Variants in RNF150 observed in about 807,000 individuals in gnomAD.
RNF150 encodes the protein ring finger protein 150.
RNF150 carries 24 observed loss-of-function variants against 39.3 expected under a neutral mutation model. The ratio of observed to expected loss-of-function variants is 0.61; its 90% CI spans 0.44 to 0.86. The LOEUF (loss-of-function observed/expected upper bound fraction) is 0.86. RNF150 is among the 40% of genes least tolerant of loss of function. RNF150 has a pLI of 0.00. For synonymous variants in RNF150, 255 were observed against 227.3 expected (o/e 1.12, Z -1.10); for missense variants, 502 against 587.8 (o/e 0.85, Z 1.51).
intron 1 of RNF150, among the ~76,000 whole-genome samples, chr4:141,046,455 G>A (rs902713293): frequency 1.1e-4 from 16 of 152,194 alleles, no homozygotes; most frequent in African/African-American, 3.4e-4. Flanking sequence ...CTGGGAGGAA[G>A]CTGCAGAGTA....
intron 1 of RNF150, among the ~76,000 whole-genome samples, chr4:141,030,038 T>C (rs567455910): frequency 6.6e-6 from 1 of 151,720 alleles, no homozygotes; most frequent in Non-Finnish European, 1.5e-5. Flanking sequence ...CTACTAAAAA[T>C]ACAAAAAATT....
Position 140,994,304 on chromosome 4 carries a change from C to T in RNF150, c.485-26431G>A, listed in dbSNP as rs115750041. 3.5e-3 allele frequency among the ~76,000 whole-genome samples: 530 copies of T among 152,312 alleles called. 3 individuals are homozygous for T. The highest frequency in any genetic ancestry group is 0.012 in the African/African-American group (486 of 41,574). ...TCCACATTAAAAGTTACTAGTTTGT[C>T]TTGAAGGCAAAGGCCCAAAGGATAT... On this transcript the variant is annotated intron_variant, in intron 1 of 6. Transcript: ENST00000515673.
intron 1 of RNF150, among the ~76,000 whole-genome samples, chr4:141,026,741 T>C (rs957558564): frequency 6.6e-5 from 10 of 152,132 alleles, no homozygotes; most frequent in South Asian, 2.1e-4. Flanking sequence ...TCCTGAAAAA[T>C]AGGCAGTAGA....
At chr4:140,919,370 C>T (rs1018825539) in intron 5 of RNF150, among the ~76,000 whole-genome samples, 1 of 135,000 alleles carries the variant, frequency 7.4e-6, no homozygotes, top group South Asian at 2.7e-4. Flanking sequence ...ACAAACATCA[C>T]AAGCATTCTT....
At chr4:141,020,029 G>A (rs540594110) in intron 1 of RNF150, among the ~76,000 whole-genome samples, 1 of 152,006 alleles carries the variant, frequency 6.6e-6, no homozygotes, top group East Asian at 1.9e-4. Context: ...ACAGTCTCAT[G>A]TATTCAGCTT....
At chr4:140,950,218 T>C (rs1325820146) in intron 2 of RNF150, among the ~76,000 whole-genome samples, 1 of 152,244 alleles carries the variant, frequency 6.6e-6, no homozygotes, top group Non-Finnish European at 1.5e-5. Flanking sequence ...AATAGATGTG[T>C]ATCTGTTGTA....
intron 1 of RNF150, among the ~76,000 whole-genome samples, chr4:141,017,910 C>T (rs747416426): frequency 3.9e-5 from 6 of 152,124 alleles, no homozygotes; most frequent in South Asian, 2.1e-4. Flanking sequence ...TGCTGAAGGA[C>T]GTCATGGTTG....
intron 1 of RNF150, among the ~76,000 whole-genome samples, chr4:141,023,052 G>C (rs1578641515): frequency 6.6e-6 from 1 of 152,128 alleles, no homozygotes; most frequent in South Asian, 2.1e-4. Context: ...TATACACCAA[G>C]TTTAGAAATA....
Position 141,204,132 on chromosome 4 carries a change from T to G in RNF150, c.-6+8662A>C, listed in dbSNP as rs1400030921. 2.0e-5 allele frequency among the ~76,000 whole-genome samples: 3 copies of G among 152,270 alleles called. No homozygotes were observed. In the East Asian group the frequency reaches 5.8e-4, roughly 29 times the overall value. ...TGTAAATTATAGAGTCCATTTGAAA[T>G]AGATAATTGATATGAATAGGCTGCA... On this transcript the variant is annotated intron_variant, in intron 1 of 7. Coordinates refer to the RNF150 transcript ENST00000420921.
chr4:141,059,258 G>A (rs757892226), intron 1 of RNF150, among the ~76,000 whole-genome samples: 5 of 151,970 alleles, frequency 3.3e-5, no homozygotes, highest in Admixed American at 3.3e-4. Context: ...ATGTTTAGTC[G>A]AATCGCTATG....
intron 1 of RNF150, among the ~76,000 whole-genome samples, chr4:141,172,156 A>G (rs553334283): frequency 1.3e-5 from 2 of 152,188 alleles, no homozygotes; most frequent in South Asian, 2.1e-4. Context: ...TCTGCTTTAG[A>G]CTGTGGGGCA....
chr4:141,167,804 A>C (rs1727629420), intron 1 of RNF150, among the ~76,000 whole-genome samples: 2 of 152,216 alleles, frequency 1.3e-5, no homozygotes. Context: ...AAGATGGATT[A>C]AAAACTTCAA....
chr4:141,072,606 C>T (rs1374127569), intron 1 of RNF150, among the ~76,000 whole-genome samples: 1 of 152,088 alleles, frequency 6.6e-6, no homozygotes, highest in African/African-American at 2.4e-5. Context: ...AAGTAGTATA[C>T]AAAAAGGCAA....
intron 1 of RNF150, among the ~76,000 whole-genome samples, chr4:141,024,918 C>G (rs1379048318): frequency 6.6e-6 from 1 of 152,070 alleles, no homozygotes; most frequent in Non-Finnish European, 1.5e-5. Context: ...AGGTCTGAAT[C>G]AAGAATAGGG....
chr4:141,190,982 C>T (rs547724742), intron 1 of RNF150, among the ~76,000 whole-genome samples: 3 of 152,314 alleles, frequency 2.0e-5, no homozygotes, highest in African/African-American at 7.2e-5. Context: ...TGAAGTCCAG[C>T]TCCATGAAGA....
chr4:141,011,191 C>T (rs894226151), intron 1 of RNF150, among the ~76,000 whole-genome samples: 109 of 152,048 alleles, frequency 7.2e-4, no homozygotes, highest in South Asian at 2.1e-4. Flanking sequence ...CTTTTTTACC[C>T]GCCATAATTC....
At chr4:140,940,000 C>G (rs1732021370) in intron 4 of RNF150, among the ~76,000 whole-genome samples, 7 of 152,182 alleles carry the variant, frequency 4.6e-5, no homozygotes, top group African/African-American at 1.4e-4. Flanking sequence ...CCCTCTGACT[C>G]CAGGCAGATC....
chr4:141,048,961 G>A (rs1362739744), intron 1 of RNF150, among the ~76,000 whole-genome samples: 1 of 152,154 alleles, frequency 6.6e-6, no homozygotes, highest in Non-Finnish European at 1.5e-5. Flanking sequence ...GGCAGTGAGA[G>A]CAGCAGTCAG....
chr4:140,888,942 A>C (rs566588381), intron 6 of RNF150, among the ~76,000 whole-genome samples: 1 of 152,206 alleles, frequency 6.6e-6, no homozygotes, highest in Non-Finnish European at 1.5e-5. Context: ...ACTTCATACG[A>C]AGGAGATAGA....
Sources: gnomAD v4.1 joint callset for allele counts (sites outside exome capture counted in the v4.1 genomes callset) on GRCh38, gnomAD v4.1.1 for gene constraint, MANE v1.5 for transcripts, NCBI Gene and HGNC (gene_info 2026-07-23, HGNC 2026-07-21) for gene names.